ODAD3: variants seen among roughly 807,000 people sequenced by gnomAD.
The protein encoded by ODAD3 is outer dynein arm docking complex subunit 3.
In ODAD3, 57 loss-of-function variants were observed where a neutral mutation model predicts 70.9. That is an observed-to-expected ratio of 0.80 (90% CI 0.65 to 1.00). ODAD3 has a LOEUF of 1.00. Among genes scored for constraint, ODAD3 ranks in the 50% least tolerant of loss-of-function variants. The probability of loss-of-function intolerance (pLI) is 0.00; values close to 1 mark genes in which losing one functional copy is unlikely to be tolerated. For synonymous variants in ODAD3, 327 were observed against 315.9 expected (o/e 1.04, Z -0.37); for missense variants, 797 against 763.9 (o/e 1.04, Z -0.51).
intron 3 of ODAD3, among the ~76,000 whole-genome samples, chr19:11,427,295 CTTTCG>C (rs1426046264): frequency 9.9e-5 from 15 of 151,076 alleles, no homozygotes; most frequent in Admixed American, 8.6e-4. Context: ...ATTTTTCTTT[CTTTCG>C]TTTTTTTTTT....
chr19:11,430,656 C>T lies in ODAD3; in HGVS notation c.444+43G>A, dbSNP rs1969482607. ...CCTGGAGTCCAGTGGTGAGGGGACC[C>T]AGGCTGGAAATGAAGGAGGAGGTGG... On this transcript the variant is annotated intron_variant, in intron 3 of 12. Transcript: ENST00000356392. 3 of 1,601,996 alleles carry T rather than the reference C, an allele frequency of 1.9e-6. No homozygotes were observed. The South Asian group carries it at 3.3e-5, about 18-fold the overall frequency.
chr19:11,426,572 C>G lies in ODAD3; in HGVS notation c.715-1G>C, dbSNP rs752665232. 31 of 1,613,912 alleles carry G rather than the reference C, an allele frequency of 1.9e-5. No individual in the cohort carries two copies. The highest frequency in any genetic ancestry group is 1.6e-5 in the Non-Finnish European group (19 of 1,179,972). On this transcript the variant is annotated splice_acceptor_variant, in intron 5 of 12. Transcript: ENST00000356392. LOFTEE classifies it high-confidence loss of function. ...GGTTCTCCAAGTTGAGGCTCTCGTC[C>G]TGGGGCGTGGTGGGGAGGGGTAGCG...
chr19:11,422,545 G>A lies in ODAD3; in HGVS notation c.1360C>T (p.Arg454Cys). ...GCCACTTGCATCGCCCGCAAGGCGC[G>A]CTCCAGCTGGTCCTTGGCCTCGGCG... is the stretch of plus-strand genomic sequence containing the variant. Reference protein sequence around the residue: ...RHAEAKDQLERALRAMQVAKD... With the variant: ...RHAEAKDQLECALRAMQVAKD... Residue 454 changes from arginine to cysteine, a missense_variant, in exon 10 of 13, where the codon CGC (arginine) becomes TGC (cysteine). Physicochemically the swap from Arg to Cys is radical, Grantham distance 180 (BLOSUM62 -3). Transcript: ENST00000356392. The surrounding 1 kb of genome is among the most constrained non-coding windows in gnomAD (Gnocchi z 4.6). The A allele has an allele frequency of 2.5e-6, 4 of 1,590,834 alleles. No homozygotes were observed. Among genetic ancestry groups the A allele is most frequent in the Non-Finnish European group, 3.4e-6 (4 of 1,170,490 alleles).
chr19:11,423,982 G>C lies in ODAD3; in HGVS notation c.1011C>G (p.Asp337Glu). ...LLLQSDDTIQ[D>E]SLHAKEEELR... ...GCTCCTCCTCCTTGGCATGCAGGCT[G>C]TCCTGGATGGTGTCGTCGGACTGTA... Residue 337 changes from aspartate to glutamate, a missense_variant, in exon 8 of 13, where the codon GAC becomes GAG. Asp to Glu is a conservative substitution (Grantham distance 45). Coordinates refer to ENST00000356392, the MANE Select transcript of ODAD3 (RefSeq NM_145045.5). The C allele has an allele frequency of 6.2e-7, 1 of 1,612,830 alleles. No homozygotes were observed. Among genetic ancestry groups the C allele is most frequent in the South Asian group, 1.1e-5 (1 of 91,080 alleles).
rs536481373 is a variant in ODAD3, at chr19:11,431,670, C to T, written c.245-650G>A. Among the ~76,000 whole-genome samples, 20 of 151,330 alleles carry T rather than the reference C, an allele frequency of 1.3e-4. No homozygotes were observed. The South Asian group carries it at 3.8e-3, about 28-fold the overall frequency. On this transcript the variant is annotated intron_variant, in intron 1 of 12. Coordinates refer to ENST00000356392, the MANE Select transcript of ODAD3 (RefSeq NM_145045.5). ...CTGGGCATGGCCGGGCACGGTGGCT[C>T]ACGTCCATAATCCCAGCACTTTGGG...
At chr19:11,429,768 G>A (rs1047476743) in intron 3 of ODAD3, among the ~76,000 whole-genome samples, 3 of 151,748 alleles carry the variant, frequency 2.0e-5, no homozygotes, top group Admixed American at 2.0e-4. Flanking sequence ...TCGATCTCCT[G>A]ACCTCGTGAT....
At position 11,422,756 on chromosome 19, in the gene ODAD3, G is replaced by C; in HGVS notation, c.1222C>G (p.Gln408Glu). 6.2e-7 allele frequency: 1 copy of C among 1,612,458 alleles called. No homozygotes were observed. The highest frequency in any genetic ancestry group is 1.7e-4 in the Middle Eastern group (1 of 6,060). Residue 408 changes from glutamine to glutamate, a missense_variant, in exon 9 of 13, where the codon CAA becomes GAA. Gln to Glu is a conservative substitution (Grantham distance 29). Transcript: ENST00000356392. This position sits in a 1 kb window ranked among gnomAD's most constrained non-coding sequence, Gnocchi z 4.6. The part of the protein sequence containing the change: ...TLVRLKQEKQ[Q>E]LQRELEDLKY... ...AGGTCTTCCAGCTCCCGCTGCAGTT[G>C]TTGCTTCTCCTGCTTCAGCCTCACC...
intron 7 of ODAD3, among the ~76,000 whole-genome samples, chr19:11,425,681 C>G (rs1233591848): frequency 7.9e-6 from 1 of 126,162 alleles, no homozygotes; most frequent in Non-Finnish European, 1.5e-5. Flanking sequence ...GCAAAAAAAA[C>G]CTATCAAACA....
intron 1 of ODAD3, chr19:11,434,427 AC>A: frequency 5.8e-6 from 1 of 171,264 alleles, no homozygotes; most frequent in Non-Finnish European, 1.3e-5. Context: ...AGTCCCAGCT[AC>A]TCAAGAGGCT....
In ODAD3 at chr19:11,425,345, A is replaced by G. The variant is rs1416576884; in HGVS notation, c.963+799T>C. ...TATATGTACATATGTGTATATATGTATATATGTGTATATGTACATATGTGT... is the reference window on the plus strand; with the variant it reads ...TATATGTACATATGTGTATATATGTGTATATGTGTATATGTACATATGTGT... On this transcript the variant is annotated intron_variant, in intron 7 of 12. Transcript: ENST00000356392. Among the ~76,000 whole-genome samples, 1,152 of 130,520 alleles carry G rather than the reference A, an allele frequency of 8.8e-3. 83 individuals carry two copies. The highest frequency in any genetic ancestry group is 0.036 in the African/African-American group (1,082 of 29,970). 85.6% of individuals were successfully genotyped at this position (130,520 alleles called of 152,430 possible). A position where few individuals can be genotyped will look rare whatever the true frequency, so the allele number is the denominator to read the frequency against.
In ODAD3 at chr19:11,420,645, C is replaced by T. The variant is rs531057011; in HGVS notation, c.*190G>A. On this transcript the variant is annotated 3_prime_UTR_variant, in exon 13 of 13. Transcript: ENST00000356392. ...TTATTGCGCAACTCTGAGGCCGGGG[C>T]GGACCCAGCTGGGGAGATTTACTGT... is the stretch of plus-strand genomic sequence containing the variant. 2.8e-5 allele frequency: 17 copies of T among 601,186 alleles called. No homozygotes were observed. The highest frequency in any genetic ancestry group is 2.8e-4 in the South Asian group (14 of 50,202). The allele number at this position is 601,186 out of a possible 1,614,324, so 37.2% of individuals were successfully genotyped here.
intron 3 of ODAD3, 48 bp from the exon 4 acceptor site, chr19:11,427,088 G>C: frequency 5.3e-6 from 8 of 1,496,370 alleles, no homozygotes; most frequent in Non-Finnish European, 7.1e-6. Context: ...ACCCTACCCC[G>C]ACACACACCT....
chr19:11,422,135 C>T lies in ODAD3; in HGVS notation c.1435-303G>A, dbSNP rs1195564362. 6.6e-6 allele frequency among the ~76,000 whole-genome samples: 1 copy of T among 152,234 alleles called. No individual in the cohort carries two copies. Among genetic ancestry groups the T allele is most frequent in the Non-Finnish European group, 1.5e-5 (1 of 68,032 alleles). ...GCCCTCTGCTGCGGGCAGGATAGGT[C>T]TTCTGTCTCGGGCTGCTCCAGAACT... is the stretch of plus-strand genomic sequence containing the variant. On this transcript the variant is annotated intron_variant, in intron 10 of 12. Transcript: ENST00000356392. This position sits in a 1 kb window ranked among gnomAD's most constrained non-coding sequence, Gnocchi z 4.6.
At chr19:11,427,933 T>C (rs1969420326) in intron 3 of ODAD3, among the ~76,000 whole-genome samples, 1 of 151,692 alleles carries the variant, frequency 6.6e-6, no homozygotes, top group South Asian at 2.1e-4. Context: ...ACCCCGTCTC[T>C]ACTAAAAATA....
chr19:11,422,916 C>T lies in ODAD3; in HGVS notation c.1117-55G>A. 6.4e-7 allele frequency: 1 copy of T among 1,565,652 alleles called. No homozygotes were observed. Among genetic ancestry groups the T allele is most frequent in the South Asian group, 1.1e-5 (1 of 88,138 alleles). ...AGGGCCTAGGGAGCGTAGGGGCGCT[C>T]CACCTCCTCTCCCCCACCCTGCGAA... On this transcript the variant is annotated intron_variant, in intron 8 of 12. Coordinates refer to ENST00000356392, the MANE Select transcript of ODAD3 (RefSeq NM_145045.5). This position sits in a 1 kb window ranked among gnomAD's most constrained non-coding sequence, Gnocchi z 4.6.
In ODAD3 at chr19:11,422,869, C is replaced by T; in HGVS notation, c.1117-8G>A. On this transcript the variant is annotated splice_polypyrimidine_tract_variant and splice_region_variant and intron_variant, in intron 8 of 12. Transcript: ENST00000356392. The surrounding 1 kb of genome is among the most constrained non-coding windows in gnomAD (Gnocchi z 4.6). Reference sequence around the variant, plus strand: ...GAACCGCCGCACCAACGACTGCGGGCCACCCAGCCCCAGTCAGAGCCAGGG... The same window carrying T: ...GAACCGCCGCACCAACGACTGCGGGTCACCCAGCCCCAGTCAGAGCCAGGG... The T allele has an allele frequency of 6.2e-7, 1 of 1,600,306 alleles. No homozygotes were observed. Among genetic ancestry groups the T allele is most frequent in the Non-Finnish European group, 8.5e-7 (1 of 1,179,170 alleles).
chr19:11,433,414 C>G (rs900980212), intron 1 of ODAD3, among the ~76,000 whole-genome samples: 1 of 152,232 alleles, frequency 6.6e-6, no homozygotes, highest in Non-Finnish European at 1.5e-5. Context: ...CAAACCAACC[C>G]TTTTCCAACA....
chr19:11,421,113 C>G lies in ODAD3; in HGVS notation c.1675+15G>C. ...GGCCCCAACCGCACCCCTTCATCCC[C>G]CCACCCATACTGACCAAAAAACTTG... On this transcript the variant is annotated intron_variant, in intron 12 of 12. Transcript: ENST00000356392. 1.9e-6 allele frequency: 3 copies of G among 1,613,070 alleles called. No individual in the cohort carries two copies. Among genetic ancestry groups the G allele is most frequent in the Non-Finnish European group, 2.5e-6 (3 of 1,179,642 alleles).
chr19:11,425,672 C>CATATATGCA lies in ODAD3; in HGVS notation c.963+471_963+472insTGCATATAT, dbSNP rs1969352361. ...ATACGTATATATATATATATATATGCAAAAAAAACCTATCAAACAACAACT... is the reference window on the plus strand; with the variant it reads ...ATACGTATATATATATATATATATGCATATATGCAAAAAAAAACCTATCAAACAACAACT... On this transcript the variant is annotated intron_variant, in intron 7 of 12. Coordinates refer to ENST00000356392, the MANE Select transcript of ODAD3 (RefSeq NM_145045.5). Among the ~76,000 whole-genome samples the CATATATGCA allele has an allele frequency of 8.6e-5, 11 of 128,004 alleles. 1 individual carries two copies. The highest frequency in any genetic ancestry group is 4.1e-4 in the African/African-American group (11 of 26,836). The allele number at this position is 128,004 out of a possible 152,430, so 84.0% of individuals were successfully genotyped here.
Sources: gnomAD v4.1 joint callset for allele counts (sites outside exome capture counted in the v4.1 genomes callset) on GRCh38, gnomAD v4.1.1 for gene constraint, Gnocchi (gnomAD v3.1) non-coding constraint, MANE v1.5 for transcripts, NCBI Gene and HGNC (gene_info 2026-07-23, HGNC 2026-07-21) for gene names.